SLC35F2: variants seen among roughly 807,000 people sequenced by gnomAD.
SLC35F2 encodes the protein queuine/queuosine transporter SLC35F2.
A neutral mutation model predicts 38.1 loss-of-function variants in SLC35F2; 25 were observed. The observed-to-expected ratio is 0.66, with a 90% confidence interval of 0.48 to 0.92. The LOEUF (loss-of-function observed/expected upper bound fraction) is 0.92, where lower values mean the gene tolerates loss of function less well. Among genes scored for constraint, SLC35F2 ranks in the 40% least tolerant of loss-of-function variants. The pLI is 0.00. For synonymous variants in SLC35F2, 173 were observed against 181.7 expected, an observed-to-expected ratio of 0.95 and a Z score of 0.38; for missense variants, 409 against 452.9, an observed-to-expected ratio of 0.90 and a Z score of 0.88.
At position 107,815,876 on chromosome 11, in the gene SLC35F2, T is replaced by C; in HGVS notation, c.200A>G (p.Tyr67Cys). The change falls in exon 2 of 8, where the codon TAC (tyrosine) becomes TGC (cysteine). Residue 67 changes from tyrosine (Y) to cysteine (C), a missense_variant. Physicochemically the swap from Tyr to Cys is radical, Grantham distance 194. Coordinates refer to ENST00000525815, the MANE Select transcript of SLC35F2 (RefSeq NM_017515.5). ...AITSQYLAERYKVNTPMLQSF... is the reference protein window; with the variant it reads ...AITSQYLAERCKVNTPMLQSF... Reference sequence around the variant, plus strand: ...CTGAAGCATGGGGGTGTTCACTTTGTATCTTTCTGCCAAATACTGGCTGGT... The same window carrying C: ...CTGAAGCATGGGGGTGTTCACTTTGCATCTTTCTGCCAAATACTGGCTGGT... 1 of 1,614,136 alleles carries C rather than the reference T, an allele frequency of 6.2e-7. No individual in the cohort carries two copies. Among genetic ancestry groups the C allele is most frequent in the Non-Finnish European group, 8.5e-7 (1 of 1,180,016 alleles).
chr11:107,839,854 T>A (rs138297917), intron 1 of SLC35F2, among the ~76,000 whole-genome samples: 7 of 152,326 alleles, frequency 4.6e-5, no homozygotes, highest in Non-Finnish European at 8.8e-5. Context: ...GGTTTCTGCA[T>A]GTTAGTCAGG....
At chr11:107,823,146 C>T in intron 1 of SLC35F2, 1 of 985,308 alleles carries the variant, frequency 1.0e-6, no homozygotes, top group Non-Finnish European at 1.2e-6. Flanking sequence ...CCAGCCCAAA[C>T]CAGTTGGATC....
At chr11:107,856,477 T>C (rs973389430) in intron 1 of SLC35F2, among the ~76,000 whole-genome samples, 1 of 151,828 alleles carries the variant, frequency 6.6e-6, no homozygotes, top group African/African-American at 2.4e-5. Flanking sequence ...GGTGCATCAC[T>C]TGAGGTCAGG....
At position 107,858,653 on chromosome 11, in the gene SLC35F2, C is replaced by T. The variant is rs767303886; in HGVS notation, c.110+5G>A. Reference sequence around the variant, plus strand: ...GCGGAGCTGCAGCACGCCCCTTCCACTCACCAGGTGAAGAGTTTGCCTTTT... The same window carrying T: ...GCGGAGCTGCAGCACGCCCCTTCCATTCACCAGGTGAAGAGTTTGCCTTTT... On this transcript the variant is annotated splice_donor_5th_base_variant and intron_variant, in intron 1 of 7. Coordinates refer to ENST00000525815, the MANE Select transcript of SLC35F2 (RefSeq NM_017515.5). The T allele has an allele frequency of 2.3e-6, 3 of 1,291,864 alleles. No homozygotes were observed. The highest frequency in any genetic ancestry group is 3.0e-6 in the Non-Finnish European group (3 of 1,012,028). 80.0% of individuals were successfully genotyped at this position (1,291,864 alleles called of 1,614,324 possible).
intron 1 of SLC35F2, among the ~76,000 whole-genome samples, chr11:107,854,223 A>T (rs916945182): frequency 6.6e-6 from 1 of 151,840 alleles, no homozygotes; most frequent in East Asian, 1.9e-4. Flanking sequence ...CTTGAGCCAA[A>T]GAGTTTGAGA....
intron 1 of SLC35F2, among the ~76,000 whole-genome samples, chr11:107,851,238 G>A (rs1289036345): frequency 6.6e-6 from 1 of 151,414 alleles, no homozygotes; most frequent in Non-Finnish European, 1.5e-5. Flanking sequence ...ACTCTAGCCG[G>A]GGCAACAGAG....
chr11:107,806,811 G>C lies in SLC35F2; in HGVS notation c.480C>G (p.Tyr160Ter). The C allele has an allele frequency of 6.2e-7, 1 of 1,614,106 alleles. No homozygotes were observed. Among genetic ancestry groups the C allele is most frequent in the East Asian group, 2.2e-5 (1 of 44,890 alleles). The change falls in exon 4 of 8, where the codon TAC (tyrosine) becomes TAG (stop). Residue 160 changes from tyrosine (Y) to a stop codon, truncating the protein, a stop_gained. Coordinates refer to ENST00000525815, the MANE Select transcript of SLC35F2 (RefSeq NM_017515.5). LOFTEE classifies it high-confidence loss of function. ...ALSWFILHAR[Y>*]RVIHFIAVAV... ...CCACGGCGATGAAGTGGATCACTCT[G>C]TATCTTGCATGAAGAATAAACCATG...
At chr11:107,817,603 T>C (rs891269206) in intron 1 of SLC35F2, among the ~76,000 whole-genome samples, 2 of 152,246 alleles carry the variant, frequency 1.3e-5, no homozygotes, top group Admixed American at 1.3e-4. Flanking sequence ...AGCCACACTT[T>C]AAAATGGCCT....
chr11:107,836,237 T>C (rs201940767), intron 1 of SLC35F2, among the ~76,000 whole-genome samples: 1,886 of 39,362 alleles, frequency 0.048, 48 homozygotes, highest in African/African-American at 0.27. Context: ...CTTTTTCTTT[T>C]TTGTTTCCCT....
At chr11:107,813,990 T>A (rs961492496) in intron 2 of SLC35F2, among the ~76,000 whole-genome samples, 1 of 152,146 alleles carries the variant, frequency 6.6e-6, no homozygotes, top group African/African-American at 2.4e-5. Flanking sequence ...GACTTTTAGA[T>A]AGCTGGTGCA....
intron 7 of SLC35F2, among the ~76,000 whole-genome samples, chr11:107,794,321 C>T (rs769763404): frequency 7.9e-5 from 12 of 152,044 alleles, no homozygotes; most frequent in Non-Finnish European, 1.3e-4. Flanking sequence ...CCTTGTGATC[C>T]GCTCGCCTTG....
chr11:107,817,787 G>A (rs1790136), intron 1 of SLC35F2, among the ~76,000 whole-genome samples: 1,547 of 151,920 alleles, frequency 0.01, 23 homozygotes, highest in African/African-American at 0.035. Context: ...TGCCAGGCAC[G>A]GTGGCTCACG....
chr11:107,852,332 A>T (rs1344661166), intron 1 of SLC35F2, among the ~76,000 whole-genome samples: 1 of 151,946 alleles, frequency 6.6e-6, no homozygotes, highest in Non-Finnish European at 1.5e-5. Flanking sequence ...CAGGCGAATC[A>T]CGAGGTGAGG....
At chr11:107,834,217 G>C (rs1332917377) in intron 1 of SLC35F2, among the ~76,000 whole-genome samples, 2 of 152,168 alleles carry the variant, frequency 1.3e-5, no homozygotes, top group South Asian at 4.1e-4. Context: ...CCCAGCTAGA[G>C]AGTCTTATTT....
intron 1 of SLC35F2, among the ~76,000 whole-genome samples, chr11:107,832,559 T>C (rs1244097441): frequency 6.6e-6 from 1 of 152,158 alleles, no homozygotes; most frequent in Non-Finnish European, 1.5e-5. Flanking sequence ...TCCCAGCACT[T>C]TGAGAGGCCA....
chr11:107,846,229 CAT>C (rs989066519), intron 1 of SLC35F2, among the ~76,000 whole-genome samples: 8 of 150,968 alleles, frequency 5.3e-5, no homozygotes, highest in African/African-American at 1.9e-4. Context: ...AAAAAAATCA[CAT>C]GTGACAACCT....
intron 1 of SLC35F2, among the ~76,000 whole-genome samples, chr11:107,843,945 A>G (rs989355978): frequency 6.9e-6 from 1 of 145,536 alleles, no homozygotes; most frequent in African/African-American, 2.5e-5. Context: ...CCACAATGAG[A>G]GTGTGTCATA....
intron 2 of SLC35F2, among the ~76,000 whole-genome samples, chr11:107,814,250 G>C (rs1336430617): frequency 4.6e-5 from 7 of 151,938 alleles, no homozygotes; most frequent in African/African-American, 1.7e-4. Flanking sequence ...GACAGATCAC[G>C]TAAGGTCAGG....
chr11:107,803,063 G>C lies in SLC35F2; in HGVS notation c.877C>G (p.Leu293Val). ...TAGAGGTCCGCTGTCAGGATGCCCA[G>C]GTTGACGGAAGTGGCACTAGTGACT... ...IKVTSATSVNLGILTADLYSL... is the reference protein window; with the variant it reads ...IKVTSATSVNVGILTADLYSL... The change falls in exon 7 of 8, where the codon CTG (leucine) becomes GTG (valine). Residue 293 changes from leucine to valine, a missense_variant. Coordinates refer to ENST00000525815, the MANE Select transcript of SLC35F2 (RefSeq NM_017515.5). The C allele has an allele frequency of 6.2e-7, 1 of 1,614,062 alleles. No individual in the cohort carries two copies. The highest frequency in any genetic ancestry group is 8.5e-7 in the Non-Finnish European group (1 of 1,179,976).
Sources: allele counts gnomAD v4.1 joint callset (sites outside exome capture counted in the v4.1 genomes callset), GRCh38; gene constraint gnomAD v4.1.1; transcripts MANE v1.5; gene names NCBI Gene and HGNC (gene_info 2026-07-23, HGNC 2026-07-21).